Variants in ADGRV1 observed in about 807,000 individuals in gnomAD.
The protein encoded by ADGRV1 is adhesion G protein-coupled receptor V1, also known as G-protein coupled receptor 98.
ADGRV1 carries 359 observed loss-of-function variants against 596.2 expected under a neutral mutation model. That is an observed-to-expected ratio of 0.60 (90% CI 0.55 to 0.66). The LOEUF (loss-of-function observed/expected upper bound fraction) is 0.66, where lower values mean the gene tolerates loss of function less well. ADGRV1 is among the 30% of genes least tolerant of loss of function. The pLI is 0.00. For missense variants in ADGRV1, 7,274 were observed against 7,575.6 expected, an observed-to-expected ratio of 0.96 and a Z score of 1.48; for synonymous variants, 2,681 against 2,679.2, an observed-to-expected ratio of 1.00 and a Z score of -0.02.
At chr5:90,713,630 T>C (rs527471619) in intron 42 of ADGRV1, among the ~76,000 whole-genome samples, 7 of 152,250 alleles carry the variant, frequency 4.6e-5, no homozygotes, top group Admixed American at 3.9e-4. Flanking sequence ...TTCTGTCTCT[T>C]TTCTTTGCCT....
Position 90,840,891 on chromosome 5 carries a change from A to G in ADGRV1, c.16925A>G (p.Asp5642Gly). The part of the protein sequence containing the change: ...ADQLHQPVND[D>G]ILNRVLHTIS... ...CAGCTACATCAGCCTGTGAATGATG[A>G]TATTCTCAACAGAGTGCTCCATACC... The change falls in exon 78 of 90, where the codon GAT becomes GGT. Residue 5642 changes from aspartate to glycine, a missense_variant. Physicochemically the swap from Asp to Gly is moderately conservative, Grantham distance 94 (BLOSUM62 -1). This residue lies in a region of ADGRV1 where 1,874 missense variants were observed against 1,970.2 expected (regional missense o/e 0.95). Coordinates refer to ENST00000405460, the MANE Select transcript of ADGRV1 (RefSeq NM_032119.4). 1 of 1,598,196 alleles carries G rather than the reference A, an allele frequency of 6.3e-7. No individual in the cohort carries two copies. The highest frequency in any genetic ancestry group is 2.2e-5 in the East Asian group (1 of 44,774).
At chr5:90,895,025 C>T (rs1322498675) in intron 83 of ADGRV1, among the ~76,000 whole-genome samples, 1 of 152,020 alleles carries the variant, frequency 6.6e-6, no homozygotes, top group Non-Finnish European at 1.5e-5. Flanking sequence ...ACTTTCTGAG[C>T]TCAAGCAGTC....
chr5:91,070,185 A>C (rs1788263679), intron 85 of ADGRV1, among the ~76,000 whole-genome samples: 1 of 152,312 alleles, frequency 6.6e-6, no homozygotes, highest in South Asian at 2.1e-4. Context: ...GGGGTCATTC[A>C]TGTCCCAAAC....
intron 87 of ADGRV1, among the ~76,000 whole-genome samples, chr5:91,130,709 C>G (rs1012516443): frequency 6.6e-6 from 1 of 152,038 alleles, no homozygotes; most frequent in African/African-American, 2.4e-5. Flanking sequence ...GGGGTTTGGG[C>G]TTCTAATTAT....
chr5:90,682,028 G>A (rs944722575), intron 27 of ADGRV1, among the ~76,000 whole-genome samples: 2 of 151,862 alleles, frequency 1.3e-5, no homozygotes, highest in Non-Finnish European at 2.9e-5. Flanking sequence ...CACCACGCCC[G>A]GCTAATTTTG....
At chr5:90,733,255 A>C (rs1175260741) in intron 50 of ADGRV1, among the ~76,000 whole-genome samples, 1 of 152,190 alleles carries the variant, frequency 6.6e-6, no homozygotes, top group African/African-American at 2.4e-5. Context: ...GAATGGTTTT[A>C]AATTAGGAAA....
At chr5:90,911,660 A>G (rs941042848) in intron 83 of ADGRV1, among the ~76,000 whole-genome samples, 3 of 152,168 alleles carry the variant, frequency 2.0e-5, no homozygotes, top group African/African-American at 7.2e-5. Context: ...TTTTAATACT[A>G]TTGCATTTGA....
At chr5:90,687,969 A>G (rs1213688173) in intron 29 of ADGRV1, among the ~76,000 whole-genome samples, 1 of 152,172 alleles carries the variant, frequency 6.6e-6, no homozygotes, top group African/African-American at 2.4e-5. Flanking sequence ...AAATGGCCAT[A>G]CTGCTCAAGG....
At chr5:90,795,922 G>A (rs745619742) in intron 70 of ADGRV1, among the ~76,000 whole-genome samples, 5 of 152,196 alleles carry the variant, frequency 3.3e-5, no homozygotes, top group Non-Finnish European at 7.3e-5. Context: ...CTGTTAGAAG[G>A]AAAACTAACA....
chr5:90,680,178 C>G (rs142184394), intron 26 of ADGRV1, among the ~76,000 whole-genome samples: 5,027 of 152,020 alleles, frequency 0.033, 261 homozygotes, highest in African/African-American at 0.12. Flanking sequence ...AGTAAAACCC[C>G]GTTTCTACTA....
intron 87 of ADGRV1, among the ~76,000 whole-genome samples, chr5:91,138,035 G>C (rs60378516): frequency 6.6e-6 from 1 of 152,058 alleles, no homozygotes; most frequent in Non-Finnish European, 1.5e-5. Context: ...TGTCGTTGCC[G>C]GTTGAGTGAA....
At position 90,703,682 on chromosome 5, in the gene ADGRV1, C is replaced by T; in HGVS notation, c.8173C>T (p.His2725Tyr). ...IGHEGEILQF[H>Y]VIRTFPGRGN... The stretch of plus-strand genomic sequence containing the variant: ...ACTTGCAGGAGAAATTTTACAATTC[C>T]ATGTGATAAGAACTTTCCCTGGTCG... The change falls in exon 35 of 90, where the codon CAT becomes TAT. Residue 2725 changes from histidine (H) to tyrosine (Y), a missense_variant. Physicochemically the swap from His to Tyr is moderately conservative, Grantham distance 83. Coordinates refer to ENST00000405460, the MANE Select transcript of ADGRV1 (RefSeq NM_032119.4). The T allele has an allele frequency of 6.3e-7, 1 of 1,599,634 alleles. No individual in the cohort carries two copies. Among genetic ancestry groups the T allele is most frequent in the Non-Finnish European group, 8.5e-7 (1 of 1,170,960 alleles).
intron 85 of ADGRV1, among the ~76,000 whole-genome samples, chr5:91,017,281 G>A (rs902031530): frequency 3.3e-5 from 5 of 151,862 alleles, no homozygotes; most frequent in African/African-American, 9.7e-5. Flanking sequence ...GTATTCTAAT[G>A]TGAAAGATAA....
intron 83 of ADGRV1, among the ~76,000 whole-genome samples, chr5:90,913,022 G>A (rs1180175282): frequency 6.6e-6 from 1 of 152,114 alleles, no homozygotes; most frequent in African/African-American, 2.4e-5. Flanking sequence ...AACAAGACTA[G>A]GCAAACATTT....
At chr5:90,967,916 C>A (rs955763233) in intron 84 of ADGRV1, among the ~76,000 whole-genome samples, 14 of 152,296 alleles carry the variant, frequency 9.2e-5, no homozygotes, top group African/African-American at 3.4e-4. Context: ...GCGTTGATAG[C>A]AGTATGGAAG....
intron 85 of ADGRV1, among the ~76,000 whole-genome samples, chr5:91,035,862 T>TAATATATATATATATATATAC (rs1562121800): frequency 1.2e-4 from 2 of 16,498 alleles, no homozygotes; most frequent in Admixed American, 1.0e-3. Flanking sequence ...ATATATATAT[T>TAATATATATATATATATATAC]ATATATATAT....
chr5:90,947,789 A>G (rs953471891), intron 83 of ADGRV1, among the ~76,000 whole-genome samples: 1 of 152,188 alleles, frequency 6.6e-6, no homozygotes. Flanking sequence ...GTGAAACGAG[A>G]ATCCACATGT....
At chr5:90,920,773 T>C (rs1226609188) in intron 83 of ADGRV1, among the ~76,000 whole-genome samples, 1 of 152,180 alleles carries the variant, frequency 6.6e-6, no homozygotes, top group Non-Finnish European at 1.5e-5. Context: ...ATGTGGAATT[T>C]TACACATTCC....
chr5:90,929,308 A>G (rs1774951216), intron 83 of ADGRV1: 1 of 152,966 alleles, frequency 6.5e-6, no homozygotes, highest in Non-Finnish European at 1.5e-5. Context: ...GGACCCTCCG[A>G]GCCAGGTGCG....
Sources: allele counts gnomAD v4.1 joint callset (sites outside exome capture counted in the v4.1 genomes callset), GRCh38; gene constraint gnomAD v4.1.1; regional missense constraint gnomAD v4.1.1; transcripts MANE v1.5; gene names NCBI Gene and HGNC (gene_info 2026-07-23, HGNC 2026-07-21).